The following ABCA13 variants were observed in gnomAD, a reference collection of about 807,000 sequenced individuals.
The protein encoded by ABCA13 is ATP-binding cassette sub-family A member 13.
Under a neutral mutation model 478.7 loss-of-function variants are expected in ABCA13, and 476 were observed. That is an observed-to-expected ratio of 0.99 (90% CI 0.92 to 1.07). The LOEUF (loss-of-function observed/expected upper bound fraction) is 1.07, where lower values mean the gene tolerates loss of function less well. Among genes scored for constraint, ABCA13 ranks in the 50% least tolerant of loss-of-function variants. The probability of loss-of-function intolerance (pLI) is 0.00; values close to 1 mark genes in which losing one functional copy is unlikely to be tolerated. For missense variants in ABCA13, 6,060 were observed against 5,910.6 expected (o/e 1.03, Z -0.83); for synonymous variants, 2,252 against 2,158.9 (o/e 1.04, Z -1.20).
At chr7:48,531,039 G>A (rs1447177878) in intron 55 of ABCA13, among the ~76,000 whole-genome samples, 1 of 152,012 alleles carries the variant, frequency 6.6e-6, no homozygotes, top group Non-Finnish European at 1.5e-5. Context: ...TTGCTTTTTG[G>A]TTCTTGGTCA....
intron 3 of ABCA13, among the ~76,000 whole-genome samples, chr7:48,201,117 G>C (rs773758752): frequency 7.2e-4 from 109 of 152,362 alleles, no homozygotes; most frequent in Non-Finnish European, 1.0e-3. Context: ...AGATGGGAGG[G>C]GGAGGAAGGG....
intron 42 of ABCA13, among the ~76,000 whole-genome samples, chr7:48,437,700 A>T (rs1823029917): frequency 6.6e-6 from 1 of 152,024 alleles, no homozygotes; most frequent in African/African-American, 2.4e-5. Context: ...GGAACTGTGC[A>T]CTTGATAAAA....
intron 43 of ABCA13, among the ~76,000 whole-genome samples, chr7:48,458,504 C>A (rs1480352291): frequency 2.6e-5 from 4 of 152,158 alleles, no homozygotes; most frequent in Admixed American, 1.3e-4. Context: ...AATGCATTAG[C>A]TTTGTGCTGA....
intron 35 of ABCA13, among the ~76,000 whole-genome samples, chr7:48,379,136 T>C (rs1167539890): frequency 6.6e-6 from 1 of 152,216 alleles, no homozygotes; most frequent in Non-Finnish European, 1.5e-5. Flanking sequence ...GCTGAATAAA[T>C]ATGTCAATAA....
At chr7:48,258,076 G>A (rs555931504) in intron 15 of ABCA13, among the ~76,000 whole-genome samples, 64 of 152,090 alleles carry the variant, frequency 4.2e-4, no homozygotes, top group Non-Finnish European at 7.1e-4. Flanking sequence ...GGCATGTGCC[G>A]CCATGCCCAG....
intron 3 of ABCA13, among the ~76,000 whole-genome samples, chr7:48,201,864 T>TG (rs1266549421): frequency 6.6e-6 from 1 of 152,166 alleles, no homozygotes; most frequent in Non-Finnish European, 1.5e-5. Flanking sequence ...GTGGCACGTC[T>TG]GGAGTTTGTT....
chr7:48,205,556 TC>T lies in ABCA13; in HGVS notation c.287+7198del, dbSNP rs34746601. On this transcript the variant is annotated intron_variant, in intron 3 of 61. Transcript: ENST00000435803. ...AGTAAATGTCTCTATCTTGCACTTC[TC>T]CTTTAGGGAAGTCTTTGTTCTTCCA... 2.4e-3 allele frequency among the ~76,000 whole-genome samples: 362 copies of T among 152,366 alleles called. 2 individuals are homozygous for T. Among genetic ancestry groups the T allele is most frequent in the African/African-American group, 8.0e-3 (331 of 41,584 alleles).
At position 48,295,690 on chromosome 7, in the gene ABCA13, TG is replaced by T. The variant is rs1157047378; in HGVS notation, c.8956-9del. The T allele has an allele frequency of 6.2e-7, 1 of 1,613,940 alleles. No individual in the cohort carries two copies. The highest frequency in any genetic ancestry group is 1.1e-5 in the South Asian group (1 of 91,086). On this transcript the variant is annotated splice_polypyrimidine_tract_variant and intron_variant, in intron 20 of 61. Coordinates refer to ENST00000435803, the MANE Select transcript of ABCA13 (RefSeq NM_152701.5). Reference sequence around the variant, plus strand: ...GTGCTTCTAACCTATATCATTGCTATGTTTTCTAGGAAATTGAAAAGATATG... The same window carrying T: ...GTGCTTCTAACCTATATCATTGCTATTTTTCTAGGAAATTGAAAAGATATG...
intron 47 of ABCA13, among the ~76,000 whole-genome samples, chr7:48,485,203 T>G (rs1829170579): frequency 2.0e-5 from 3 of 152,366 alleles, no homozygotes; most frequent in South Asian, 4.1e-4. Flanking sequence ...CCATGGAATT[T>G]TATATATTTG....
At chr7:48,558,603 A>C (rs1395510489) in intron 55 of ABCA13, among the ~76,000 whole-genome samples, 3 of 151,980 alleles carry the variant, frequency 2.0e-5, no homozygotes, top group African/African-American at 7.2e-5. Flanking sequence ...CAGGAATCAA[A>C]TGTATTTTTC....
intron 27 of ABCA13, among the ~76,000 whole-genome samples, chr7:48,325,986 A>G (rs1000378113): frequency 2.6e-5 from 4 of 152,236 alleles, no homozygotes; most frequent in Non-Finnish European, 5.9e-5. Flanking sequence ...CTGCAAGGCT[A>G]TAAAAGGGCA....
chr7:48,307,715 C>G (rs932767858), intron 23 of ABCA13, among the ~76,000 whole-genome samples: 1 of 152,086 alleles, frequency 6.6e-6, no homozygotes, highest in Non-Finnish European at 1.5e-5. Flanking sequence ...GAGTCTTGCT[C>G]TGTTGCCCAG....
Position 48,587,211 on chromosome 7 carries a change from G to A in ABCA13, c.14563G>A (p.Ala4855Thr). 6.2e-7 allele frequency: 1 copy of A among 1,612,972 alleles called. No individual in the cohort carries two copies. Among genetic ancestry groups the A allele is most frequent in the Non-Finnish European group, 8.5e-7 (1 of 1,179,510 alleles). ...CGAAGCCCACGCGGACAAACCTGTG[G>A]CCACCTACAGTGGGGGAACCAAGCG... ...HLEAHADKPV[A>T]TYSGGTKRKL... Residue 4855 changes from alanine (A) to threonine (T), a missense_variant, in exon 57 of 62, where the codon GCC becomes ACC. By Grantham distance (58) the Ala-to-Thr change is moderately conservative. Transcript: ENST00000435803.
intron 41 of ABCA13, among the ~76,000 whole-genome samples, chr7:48,413,561 T>C (rs1020396218): frequency 2.6e-5 from 4 of 152,202 alleles, no homozygotes; most frequent in Non-Finnish European, 5.9e-5. Flanking sequence ...TTATATAAAA[T>C]GTCACGGGTT....
At chr7:48,410,824 C>A in intron 40 of ABCA13, 147 bp downstream of exon 40, 1 of 1,184,500 alleles carries the variant, frequency 8.4e-7, no homozygotes. Flanking sequence ...GGCCCCAGGC[C>A]TGTGCAGGGA....
Position 48,401,237 on chromosome 7 carries a change from A to T in ABCA13, c.11874-2446A>T, listed in dbSNP as rs1044602492. ...ACTAGTAGTACCCAGTGTATGATACATGTCTAATAAATGTTAAATATGATT... is the reference window on the plus strand; with the variant it reads ...ACTAGTAGTACCCAGTGTATGATACTTGTCTAATAAATGTTAAATATGATT... On this transcript the variant is annotated intron_variant, in intron 38 of 61. Coordinates refer to ENST00000435803, the MANE Select transcript of ABCA13 (RefSeq NM_152701.5). Among the ~76,000 whole-genome samples the T allele has an allele frequency of 3.3e-5, 5 of 152,236 alleles. No homozygotes were observed. In the East Asian group the frequency reaches 9.6e-4, roughly 29 times the overall value.
intron 15 of ABCA13, among the ~76,000 whole-genome samples, chr7:48,250,782 T>C (rs1430586988): frequency 2.0e-5 from 3 of 152,204 alleles, no homozygotes; most frequent in Non-Finnish European, 1.5e-5. Flanking sequence ...CTCTGCTTTT[T>C]TACTCTAGAG....
intron 15 of ABCA13, among the ~76,000 whole-genome samples, chr7:48,268,606 G>A (rs1795179673): frequency 6.6e-6 from 1 of 152,174 alleles, no homozygotes; most frequent in African/African-American, 2.4e-5. Flanking sequence ...CTGTCCTGTG[G>A]TTTCTAGCTG....
chr7:48,607,591 C>A (rs1194651863), intron 58 of ABCA13, among the ~76,000 whole-genome samples: 1 of 152,134 alleles, frequency 6.6e-6, no homozygotes, highest in Non-Finnish European at 1.5e-5. Flanking sequence ...CTAAATCTAG[C>A]ATCTGAGAAC....
Sources: gnomAD v4.1 joint callset for allele counts (sites outside exome capture counted in the v4.1 genomes callset) on GRCh38, gnomAD v4.1.1 for gene constraint, MANE v1.5 for transcripts, NCBI Gene and HGNC (gene_info 2026-07-23, HGNC 2026-07-21) for gene names.